The following GAS7 variants were observed in gnomAD, a reference collection of about 807,000 sequenced individuals.
GAS7 encodes growth arrest specific 7.
Under a neutral mutation model 71.1 loss-of-function variants are expected in GAS7, and 28 were observed. The observed-to-expected ratio is 0.39, with a 90% CI of 0.29 to 0.54. The LOEUF (loss-of-function observed/expected upper bound fraction) is 0.54, where lower values mean the gene tolerates loss of function less well. Among genes scored for constraint, GAS7 ranks in the 20% least tolerant of loss-of-function variants. GAS7 has a pLI of 0.62. For synonymous variants in GAS7, 258 were observed against 245.8 expected (o/e 1.05, Z -0.46); for missense variants, 436 against 627.8 (o/e 0.69, Z 3.27).
At chr17:9,931,570 G>A (rs997254165) in intron 9 of GAS7, among the ~76,000 whole-genome samples, 1 of 152,222 alleles carries the variant, frequency 6.6e-6, no homozygotes, top group Non-Finnish European at 1.5e-5. Context: ...GGGGAAGGGA[G>A]GCCTTGAGGG....
chr17:9,937,854 G>T (rs1231318461), intron 8 of GAS7, among the ~76,000 whole-genome samples: 1 of 152,190 alleles, frequency 6.6e-6, no homozygotes, highest in African/African-American at 2.4e-5. Context: ...GGTCAGAACG[G>T]AGAGGACCTC....
intron 2 of GAS7, among the ~76,000 whole-genome samples, chr17:10,002,888 T>C (rs1029520539): frequency 1.3e-5 from 2 of 152,234 alleles, no homozygotes; most frequent in African/African-American, 4.8e-5. Flanking sequence ...CATGTGTCTT[T>C]ATAGCAGCAT....
intron 1 of GAS7, among the ~76,000 whole-genome samples, chr17:10,030,817 C>T (rs577120233): frequency 1.3e-5 from 2 of 152,344 alleles, no homozygotes. Context: ...CAATCATCAG[C>T]ACCTCGCTGG....
At chr17:10,064,743 C>A (rs1445946420) in intron 1 of GAS7, among the ~76,000 whole-genome samples, 1 of 122,522 alleles carries the variant, frequency 8.2e-6, no homozygotes. Flanking sequence ...AAACATCAGA[C>A]TGCTGACACT....
At chr17:10,087,666 T>C (rs1445755239) in intron 1 of GAS7, among the ~76,000 whole-genome samples, 13 of 152,320 alleles carry the variant, frequency 8.5e-5, no homozygotes, top group African/African-American at 3.1e-4. Context: ...CACTGAACTC[T>C]GAAAAGAAGG....
At chr17:10,082,144 G>A (rs1188744703) in intron 1 of GAS7, among the ~76,000 whole-genome samples, 1 of 152,120 alleles carries the variant, frequency 6.6e-6, no homozygotes, top group Admixed American at 6.6e-5. Context: ...ATATCGTATG[G>A]CACATCTCAT....
chr17:10,115,029 G>A (rs559394529), intron 1 of GAS7, among the ~76,000 whole-genome samples: 2 of 152,294 alleles, frequency 1.3e-5, no homozygotes, highest in South Asian at 2.1e-4. Context: ...CTGTCTGTCT[G>A]TCTGTCTGGC....
chr17:10,109,880 C>T (rs1431626192), intron 1 of GAS7, among the ~76,000 whole-genome samples: 1 of 152,022 alleles, frequency 6.6e-6, no homozygotes, highest in Admixed American at 6.6e-5. Context: ...GTGGTAAAAC[C>T]CCCTCTGTAC....
chr17:10,003,001 C>T (rs1251169409), intron 2 of GAS7, among the ~76,000 whole-genome samples: 2 of 152,204 alleles, frequency 1.3e-5, no homozygotes, highest in Non-Finnish European at 2.9e-5. Flanking sequence ...AAGACCACAT[C>T]TTAACTTGAT....
At chr17:10,073,725 A>C (rs143302211) in intron 1 of GAS7, among the ~76,000 whole-genome samples, 2,596 of 152,288 alleles carry the variant, frequency 0.017, 37 homozygotes, top group Middle Eastern at 0.031. Flanking sequence ...GGTACTGATC[A>C]AGTGCGTGAC....
At chr17:9,946,851 G>A (rs1414564586) in intron 6 of GAS7, 43 bp downstream of exon 6, 1 of 1,341,816 alleles carries the variant, frequency 7.5e-7, no homozygotes, top group South Asian at 1.2e-5. Flanking sequence ...TCCACTCCCG[G>A]TCACCGGGGT....
At chr17:10,054,151 G>A (rs1457519604) in intron 1 of GAS7, among the ~76,000 whole-genome samples, 2 of 151,436 alleles carry the variant, frequency 1.3e-5, no homozygotes, top group Admixed American at 1.3e-4. Context: ...GAAAGAAAGA[G>A]ACTCTTTTAA....
At chr17:10,106,822 T>C (rs1197195992) in intron 1 of GAS7, among the ~76,000 whole-genome samples, 1 of 151,850 alleles carries the variant, frequency 6.6e-6, no homozygotes, top group East Asian at 1.9e-4. Flanking sequence ...CACCAGAACC[T>C]GTGAATGTTA....
chr17:10,084,502 T>C (rs781526185), intron 1 of GAS7, among the ~76,000 whole-genome samples: 2 of 152,122 alleles, frequency 1.3e-5, no homozygotes, highest in South Asian at 2.1e-4. Context: ...GTCTCGCTCT[T>C]GTCCCCCAGG....
intron 1 of GAS7, among the ~76,000 whole-genome samples, chr17:10,110,588 C>G (rs1303810896): frequency 6.6e-6 from 1 of 152,178 alleles, no homozygotes; most frequent in Non-Finnish European, 1.5e-5. Context: ...GTCTAAGCCT[C>G]AGCCTCCCAA....
At chr17:10,126,793 C>A (rs1007968375) in intron 1 of GAS7, among the ~76,000 whole-genome samples, 4 of 152,228 alleles carry the variant, frequency 2.6e-5, no homozygotes, top group African/African-American at 9.6e-5. Flanking sequence ...GGAACCAAGC[C>A]GGCTCTGACT....
At chr17:10,070,341 C>CTTTTTTTTTTTTTTTTTTTT (rs71365713) in intron 1 of GAS7, among the ~76,000 whole-genome samples, 1 of 106,130 alleles carries the variant, frequency 9.4e-6, no homozygotes, top group African/African-American at 3.5e-5. Context: ...TCTCTCTCTT[C>CTTTTTTTTTTTTTTTTTTTT]TTTTTTTTTT....
chr17:9,942,984 T>G (rs1429981648), intron 7 of GAS7, 137 bp downstream of exon 7: 18 of 581,716 alleles, frequency 3.1e-5, no homozygotes, highest in East Asian at 5.2e-5. Flanking sequence ...CCAGGCGCCA[T>G]GAGTTTGCCG....
At chr17:10,171,442 G>A (rs949636140) in intron 1 of GAS7, among the ~76,000 whole-genome samples, 17 of 152,140 alleles carry the variant, frequency 1.1e-4, no homozygotes, top group African/African-American at 4.1e-4. Flanking sequence ...GCAGGAAATC[G>A]GCTTCCCTTG....
Sources: allele counts gnomAD v4.1 joint callset (sites outside exome capture counted in the v4.1 genomes callset), GRCh38; gene constraint gnomAD v4.1.1; transcripts MANE v1.5; gene names NCBI Gene and HGNC (gene_info 2026-07-23, HGNC 2026-07-21).